The following PLCB1 variants were observed in gnomAD, a reference collection of about 807,000 sequenced individuals.
The protein encoded by PLCB1 is 1-phosphatidylinositol 4,5-bisphosphate phosphodiesterase beta-1.
Under a neutral mutation model 161.8 loss-of-function variants are expected in PLCB1, and 46 were observed. The observed-to-expected ratio is 0.28, with a 90% CI of 0.22 to 0.36. The LOEUF (loss-of-function observed/expected upper bound fraction) is 0.36. Among genes scored for constraint, PLCB1 ranks in the 10% least tolerant of loss-of-function variants. The pLI is 1.00. For synonymous variants in PLCB1, 517 were observed against 503.7 expected, an observed-to-expected ratio of 1.03 and a Z score of -0.35; for missense variants, 1,016 against 1,472.5, an observed-to-expected ratio of 0.69 and a Z score of 5.07.
At chr20:8,632,864 C>T (rs1031267750) in intron 4 of PLCB1, among the ~76,000 whole-genome samples, 3 of 152,066 alleles carry the variant, frequency 2.0e-5, no homozygotes, top group African/African-American at 7.2e-5. Flanking sequence ...ATGGCATAGG[C>T]TTTTGAAGGA....
intron 2 of PLCB1, among the ~76,000 whole-genome samples, chr20:8,242,589 G>A (rs910465665): frequency 6.6e-5 from 10 of 151,942 alleles, no homozygotes; most frequent in Non-Finnish European, 1.0e-4. Context: ...GAGGCTGAGC[G>A]CCAGAGGTGA....
intron 26 of PLCB1, among the ~76,000 whole-genome samples, chr20:8,772,861 C>T (rs977908020): frequency 6.6e-6 from 1 of 151,946 alleles, no homozygotes; most frequent in African/African-American, 2.4e-5. Context: ...ACCTGGAAGG[C>T]GGAAGTTGTG....
At chr20:8,250,917 T>C (rs962179213) in intron 2 of PLCB1, among the ~76,000 whole-genome samples, 7 of 152,056 alleles carry the variant, frequency 4.6e-5, no homozygotes, top group South Asian at 2.1e-4. Flanking sequence ...CAAAACAACA[T>C]AGGAGACATA....
chr20:8,188,449 G>C (rs1283757296), intron 2 of PLCB1, among the ~76,000 whole-genome samples: 1 of 152,062 alleles, frequency 6.6e-6, no homozygotes, highest in Non-Finnish European at 1.5e-5. Flanking sequence ...AAAAAATTGG[G>C]GTTGGTTACG....
At chr20:8,629,833 C>CTT (rs1364524375) in intron 4 of PLCB1, among the ~76,000 whole-genome samples, 1 of 82,536 alleles carries the variant, frequency 1.2e-5, no homozygotes, top group African/African-American at 5.5e-5. Flanking sequence ...TTCTTTCTTT[C>CTT]TTTCTTTCTT....
rs75521925 is a variant in PLCB1 at position 8,273,858 on chromosome 20, C to T, written c.178-97524C>T. 8.2e-3 allele frequency among the ~76,000 whole-genome samples: 1,250 copies of T among 152,222 alleles called. 16 individuals carry two copies. The highest frequency in any genetic ancestry group is 0.028 in the African/African-American group (1,168 of 41,546). ...TGGAATGGATATGGATTCTGATGTT[C>T]CCTCTTCCATATAAAGTGTACTTGG... On this transcript the variant is annotated intron_variant, in intron 2 of 31. Transcript: ENST00000338037.
At chr20:8,583,671 A>G (rs992543404) in intron 3 of PLCB1, among the ~76,000 whole-genome samples, 1 of 152,220 alleles carries the variant, frequency 6.6e-6, no homozygotes, top group African/African-American at 2.4e-5. Flanking sequence ...TTCCTGCTGC[A>G]TACCTACAAG....
At chr20:8,139,160 C>T (rs1322859521) in intron 1 of PLCB1, among the ~76,000 whole-genome samples, 1 of 142,740 alleles carries the variant, frequency 7.0e-6, no homozygotes, top group Non-Finnish European at 1.5e-5. Flanking sequence ...CATCTCGGCT[C>T]ACTGCCAACC....
intron 2 of PLCB1, among the ~76,000 whole-genome samples, chr20:8,227,180 C>A (rs748422147): frequency 1.4e-4 from 21 of 152,016 alleles, no homozygotes; most frequent in Non-Finnish European, 2.4e-4. Flanking sequence ...TTAGTTTGGA[C>A]CAGCCACATT....
chr20:8,187,463 A>G (rs1200578902), intron 2 of PLCB1, among the ~76,000 whole-genome samples: 1 of 152,190 alleles, frequency 6.6e-6, no homozygotes, highest in Non-Finnish European at 1.5e-5. Flanking sequence ...CTGTTATGAC[A>G]GTTCTAATTT....
At chr20:8,600,282 T>G (rs1987505626) in intron 3 of PLCB1, among the ~76,000 whole-genome samples, 1 of 115,668 alleles carries the variant, frequency 8.6e-6, no homozygotes, top group Non-Finnish European at 1.8e-5. Flanking sequence ...GTTTTTGGTG[T>G]GGATGTCCTT....
chr20:8,355,513 G>C (rs1046051840), intron 2 of PLCB1, among the ~76,000 whole-genome samples: 1 of 152,092 alleles, frequency 6.6e-6, no homozygotes, highest in Non-Finnish European at 1.5e-5. Flanking sequence ...AATGACCCTC[G>C]TCTCTTCCAT....
chr20:8,774,741 T>C, intron 27 of PLCB1, 22 bp downstream of exon 27: 2 of 1,565,124 alleles, frequency 1.3e-6, no homozygotes, highest in East Asian at 4.5e-5. Context: ...AAACATGATT[T>C]ATGTTTGTGC....
chr20:8,545,262 G>A (rs1985493427), intron 3 of PLCB1, among the ~76,000 whole-genome samples: 1 of 152,218 alleles, frequency 6.6e-6, no homozygotes, highest in African/African-American at 2.4e-5. Flanking sequence ...TGATGTGGTG[G>A]CCTGTTTGGC....
intron 12 of PLCB1, among the ~76,000 whole-genome samples, chr20:8,709,349 A>G (rs1211499627): frequency 6.6e-6 from 1 of 152,226 alleles, no homozygotes; most frequent in Non-Finnish European, 1.5e-5. Flanking sequence ...TTTATCACAC[A>G]TTACCAAAGA....
intron 2 of PLCB1, among the ~76,000 whole-genome samples, chr20:8,271,433 T>C (rs1189747616): frequency 6.6e-6 from 1 of 152,158 alleles, no homozygotes; most frequent in Non-Finnish European, 1.5e-5. Context: ...ATCCATGCTT[T>C]AGAATGAATG....
chr20:8,178,324 G>GT (rs1219099921), intron 2 of PLCB1, among the ~76,000 whole-genome samples: 2 of 151,834 alleles, frequency 1.3e-5, no homozygotes, highest in African/African-American at 4.8e-5. Context: ...GTGTATAAGT[G>GT]TTTTTTGATT....
At chr20:8,559,375 A>G (rs1323876910) in intron 3 of PLCB1, among the ~76,000 whole-genome samples, 1 of 151,912 alleles carries the variant, frequency 6.6e-6, no homozygotes, top group African/African-American at 2.4e-5. Context: ...ATCAAACACA[A>G]AAGAAGGCAG....
intron 2 of PLCB1, among the ~76,000 whole-genome samples, chr20:8,346,056 A>G (rs1212858124): frequency 6.6e-6 from 1 of 152,222 alleles, no homozygotes; most frequent in African/African-American, 2.4e-5. Flanking sequence ...AAAAATTATA[A>G]GAGAAGTTTT....
Sources: allele counts gnomAD v4.1 joint callset (sites outside exome capture counted in the v4.1 genomes callset), GRCh38; gene constraint gnomAD v4.1.1; transcripts MANE v1.5; gene names NCBI Gene and HGNC (gene_info 2026-07-23, HGNC 2026-07-21).